Variants in STK39 observed in about 807,000 individuals in gnomAD.
The protein encoded by STK39 is STE20/SPS1-related proline-alanine-rich protein kinase.
STK39 carries 20 observed loss-of-function variants against 77.8 expected under a neutral mutation model. The ratio of observed to expected loss-of-function variants is 0.26; its 90% confidence interval spans 0.18 to 0.37. The LOEUF is 0.37. Ranked by LOEUF, STK39 falls within the 10% of genes least tolerant of loss-of-function variation. The pLI is 1.00. For missense variants in STK39, 479 were observed against 656.5 expected (o/e 0.73, Z 2.95); for synonymous variants, 246 against 234.1 (o/e 1.05, Z -0.47).
chr2:168,058,331 T>C (rs1169172680), intron 14 of STK39, among the ~76,000 whole-genome samples: 2 of 152,218 alleles, frequency 1.3e-5, no homozygotes, highest in Admixed American at 1.3e-4. Context: ...TTTAGGAACA[T>C]CACTCTCTCC....
chr2:168,235,716 G>T lies in STK39; in HGVS notation c.208+11512C>A, dbSNP rs540930567. The stretch of plus-strand genomic sequence containing the variant: ...GAGAACATGCGGTGTTTGATTTTTT[G>T]TCCCTGCAATAGTTTGCTGAGAATG... On this transcript the variant is annotated intron_variant, in intron 1 of 17. Transcript: ENST00000355999. Among the ~76,000 whole-genome samples the T allele has an allele frequency of 2.4e-3, 356 of 148,780 alleles. 2 individuals are homozygous for T. The highest frequency in any genetic ancestry group is 8.2e-3 in the African/African-American group (330 of 40,210).
chr2:168,018,547 AAAGAAAG>A (rs756509160), intron 14 of STK39, among the ~76,000 whole-genome samples: 13 of 111,928 alleles, frequency 1.2e-4, no homozygotes, highest in Non-Finnish European at 2.3e-4. Context: ...GAAAAGAAAG[AAAGAAAG>A]AAAGAAAGAA....
intron 2 of STK39, among the ~76,000 whole-genome samples, chr2:168,169,631 C>CGTGTGTGTGTGTGTGTGTGTGTGTGTGT (rs10611769): frequency 1.0e-4 from 15 of 145,824 alleles, no homozygotes; most frequent in African/African-American, 3.8e-4. Context: ...TTGCAGTGAG[C>CGTGTGTGTGTGTGTGTGTGTGTGTGTGT]GTGTGTGTGT....
intron 5 of STK39, among the ~76,000 whole-genome samples, chr2:168,155,358 T>A (rs1196453888): frequency 1.3e-5 from 2 of 152,210 alleles, no homozygotes; most frequent in African/African-American, 4.8e-5. Context: ...TCTTGGTTCA[T>A]TCTAGAGCTC....
intron 5 of STK39, among the ~76,000 whole-genome samples, chr2:168,157,860 A>G (rs1450642869): frequency 6.6e-6 from 1 of 152,244 alleles, no homozygotes; most frequent in Admixed American, 6.5e-5. Context: ...AAGCTTCTAC[A>G]AAGTTCTTTA....
chr2:168,018,603 T>C (rs1448190203), intron 14 of STK39, among the ~76,000 whole-genome samples: 1 of 106,374 alleles, frequency 9.4e-6, no homozygotes, highest in African/African-American at 3.1e-5. Context: ...AGAAAGAAAT[T>C]GCAGTAGGAA....
chr2:168,099,008 T>G (rs1032571180), intron 10 of STK39, among the ~76,000 whole-genome samples: 1 of 152,204 alleles, frequency 6.6e-6, no homozygotes, highest in Non-Finnish European at 1.5e-5. Flanking sequence ...GGAGAGATCA[T>G]GTGGAGAGGT....
At chr2:168,218,433 G>A (rs1690078085) in intron 1 of STK39, among the ~76,000 whole-genome samples, 1 of 152,156 alleles carries the variant, frequency 6.6e-6, no homozygotes, top group Non-Finnish European at 1.5e-5. Flanking sequence ...GTGACCGTAG[G>A]GCACAGCACC....
At chr2:168,058,262 G>T (rs1452542075) in intron 14 of STK39, among the ~76,000 whole-genome samples, 4 of 152,146 alleles carry the variant, frequency 2.6e-5, no homozygotes, top group Non-Finnish European at 5.9e-5. Flanking sequence ...TTGACCTATT[G>T]ATAGCATTTG....
At chr2:168,162,465 A>G (rs886649842) in intron 4 of STK39, among the ~76,000 whole-genome samples, 59 of 152,264 alleles carry the variant, frequency 3.9e-4, no homozygotes, top group African/African-American at 1.3e-3. Context: ...GACACTGCCC[A>G]TAAACTCACA....
intron 10 of STK39, among the ~76,000 whole-genome samples, chr2:168,080,799 G>T (rs565859912): frequency 6.6e-6 from 1 of 152,302 alleles, no homozygotes; most frequent in Non-Finnish European, 1.5e-5. Context: ...TAGGGACTTG[G>T]TGCCTAGCAT....
In STK39 at chr2:168,066,391, T is replaced by C. The variant is rs546704406; in HGVS notation, c.1243-1010A>G. On this transcript the variant is annotated intron_variant, in intron 12 of 17. Coordinates refer to ENST00000355999, the MANE Select transcript of STK39 (RefSeq NM_013233.3). ...TCACTATAAAATGTTTTAATGTTGCTCTATTTATTTTTACGATAAGATGTT... is the reference window on the plus strand; with the variant it reads ...TCACTATAAAATGTTTTAATGTTGCCCTATTTATTTTTACGATAAGATGTT... Among the ~76,000 whole-genome samples, 5 of 152,338 alleles carry C rather than the reference T, an allele frequency of 3.3e-5. No individual in the cohort carries two copies. The East Asian group carries it at 9.6e-4, about 29-fold the overall frequency.
intron 14 of STK39, among the ~76,000 whole-genome samples, chr2:168,048,977 T>C (rs1317937507): frequency 6.6e-6 from 1 of 152,232 alleles, no homozygotes. Flanking sequence ...CCTAATGCTA[T>C]TGACGAGATG....
At chr2:168,244,809 A>G (rs1311221096) in intron 1 of STK39, among the ~76,000 whole-genome samples, 1 of 152,184 alleles carries the variant, frequency 6.6e-6, no homozygotes, top group Non-Finnish European at 1.5e-5. Context: ...CCTTCCCACA[A>G]TGCAAATGCG....
intron 12 of STK39, 108 bp downstream of exon 12, chr2:168,074,874 T>C (rs1473937825): frequency 7.5e-7 from 1 of 1,330,904 alleles, no homozygotes. Context: ...CTTTCCTTTT[T>C]CTTTCTACTC....
chr2:168,129,733 A>T lies in STK39; in HGVS notation c.1000T>A (p.Cys334Ser), dbSNP rs911069836. 2 of 1,614,030 alleles carry T rather than the reference A, an allele frequency of 1.2e-6. No individual in the cohort carries two copies. Among genetic ancestry groups the T allele is most frequent in the Non-Finnish European group, 1.7e-6 (2 of 1,179,948 alleles). ...ACCTTGGCTTTCTGGAAGAATTTGCATTTTAAAAGTTCTGCTGCTGTGGGC... is the reference window on the plus strand; with the variant it reads ...ACCTTGGCTTTCTGGAAGAATTTGCTTTTTAAAAGTTCTGCTGCTGTGGGC... ...KRPTAAELLK[C>S]KFFQKAKNRE... The change falls in exon 9 of 18, where the codon TGC (cysteine) becomes AGC (serine). Residue 334 changes from cysteine to serine, a missense_variant. Physicochemically the swap from Cys to Ser is moderately radical, Grantham distance 112. Transcript: ENST00000355999.
chr2:168,076,815 A>G (rs536937049), intron 10 of STK39, among the ~76,000 whole-genome samples: 1 of 152,084 alleles, frequency 6.6e-6, no homozygotes, highest in African/African-American at 2.4e-5. Context: ...TTGCATTTTG[A>G]GTTGCTCTAA....
chr2:168,231,956 A>G lies in STK39; in HGVS notation c.208+15272T>C, dbSNP rs139557081. The G allele has an allele frequency of 4.6e-5, 11 of 237,928 alleles. No individual in the cohort carries two copies. The East Asian group carries it at 1.1e-3, about 24-fold the overall frequency. The allele number at this position is 237,928 out of a possible 1,614,324, so 14.7% of individuals were successfully genotyped here. On this transcript the variant is annotated intron_variant, in intron 1 of 17. Coordinates refer to ENST00000355999, the MANE Select transcript of STK39 (RefSeq NM_013233.3). ...TTGTAGCCATATTTTTTGCATTCAC[A>G]GAAGAGATCTGTCTTAGAGCTCCTC...
intron 5 of STK39, among the ~76,000 whole-genome samples, chr2:168,157,160 C>G (rs186134819): frequency 2.6e-5 from 4 of 152,086 alleles, no homozygotes; most frequent in Non-Finnish European, 5.9e-5. Flanking sequence ...GTTCAAGATG[C>G]AGATTTAAAA....
Sources: allele counts gnomAD v4.1 joint callset (sites outside exome capture counted in the v4.1 genomes callset), GRCh38; gene constraint gnomAD v4.1.1; transcripts MANE v1.5; gene names NCBI Gene and HGNC (gene_info 2026-07-23, HGNC 2026-07-21).